The following MAGI2 variants were observed in gnomAD, a reference collection of about 807,000 sequenced individuals.
MAGI2 encodes the protein membrane associated guanylate kinase, WW and PDZ domain containing 2.
A neutral mutation model predicts 133.3 loss-of-function variants in MAGI2; 35 were observed. That is an observed-to-expected ratio of 0.26 (90% CI 0.20 to 0.35). The LOEUF (loss-of-function observed/expected upper bound fraction) is 0.35. Among genes scored for constraint, MAGI2 ranks in the 10% least tolerant of loss-of-function variants. The probability of loss-of-function intolerance (pLI) is 1.00; values close to 1 mark genes in which losing one functional copy is unlikely to be tolerated. For synonymous variants in MAGI2, 729 were observed against 710.6 expected (o/e 1.03, Z -0.41); for missense variants, 1,636 against 1,863.4 (o/e 0.88, Z 2.25).
intron 9 of MAGI2, among the ~76,000 whole-genome samples, chr7:78,261,763 G>A (rs1011622117): frequency 8.6e-5 from 13 of 151,936 alleles, no homozygotes; most frequent in African/African-American, 1.5e-4. Flanking sequence ...GTTTCCTCTC[G>A]GTTAATAAGA....
At chr7:78,534,294 TTTCTCCCTCAA>T (rs1247652692) in intron 3 of MAGI2, among the ~76,000 whole-genome samples, 1 of 152,244 alleles carries the variant, frequency 6.6e-6, no homozygotes, top group Non-Finnish European at 1.5e-5. Flanking sequence ...ATACCCAGCC[TTTCTCCCTCAA>T]TCTGGGCCAA....
chr7:78,652,828 A>G (rs1584972431), intron 2 of MAGI2, among the ~76,000 whole-genome samples: 1 of 152,192 alleles, frequency 6.6e-6, no homozygotes, highest in South Asian at 2.1e-4. Context: ...AGAAGAAACT[A>G]TCATCAGAGT....
At chr7:79,217,267 C>T (rs1377428267) in intron 1 of MAGI2, among the ~76,000 whole-genome samples, 1 of 151,318 alleles carries the variant, frequency 6.6e-6, no homozygotes, top group Non-Finnish European at 1.5e-5. Flanking sequence ...ATAATAGCAA[C>T]CTCAGTGAAT....
At chr7:79,249,962 C>T (rs912208748) in intron 1 of MAGI2, among the ~76,000 whole-genome samples, 1 of 152,024 alleles carries the variant, frequency 6.6e-6, no homozygotes, top group African/African-American at 2.4e-5. Context: ...CGTGACCAAA[C>T]AGATTTATCC....
intron 1 of MAGI2, among the ~76,000 whole-genome samples, chr7:79,310,106 A>G (rs1200814982): frequency 1.6e-4 from 23 of 144,122 alleles, no homozygotes; most frequent in Admixed American, 1.5e-3. Flanking sequence ...GGAGGTTGCA[A>G]CAAGCCGAGA....
chr7:78,845,281 A>G (rs1376933791), intron 2 of MAGI2, among the ~76,000 whole-genome samples: 2 of 151,954 alleles, frequency 1.3e-5, no homozygotes, highest in Non-Finnish European at 2.9e-5. Context: ...CTATTACTTT[A>G]TCATCTGCTA....
chr7:78,070,164 C>T (rs2868837), intron 21 of MAGI2, among the ~76,000 whole-genome samples: 64,835 of 107,168 alleles, frequency 0.6, 17,919 homozygotes, highest in East Asian at 0.76. Context: ...CATATATATA[C>T]ACACACACAC....
intron 10 of MAGI2, chr7:78,253,922 A>T (rs139859067): frequency 6.6e-6 from 1 of 152,216 alleles, no homozygotes; most frequent in Non-Finnish European, 1.5e-5. Context: ...GAATTTCACC[A>T]CATAAGCATG....
intron 1 of MAGI2, among the ~76,000 whole-genome samples, chr7:79,087,567 CAT>C (rs1236521423): frequency 2.6e-5 from 4 of 151,850 alleles, no homozygotes; most frequent in East Asian, 1.9e-4. Flanking sequence ...AATAGATACT[CAT>C]GTGTTATATG....
At chr7:78,069,696 G>A (rs1018799854) in intron 21 of MAGI2, among the ~76,000 whole-genome samples, 1 of 151,954 alleles carries the variant, frequency 6.6e-6, no homozygotes, top group African/African-American at 2.4e-5. Flanking sequence ...CACAATCCCC[G>A]GTTGTGTAAG....
At chr7:78,909,930 A>G (rs1798280714) in intron 2 of MAGI2, among the ~76,000 whole-genome samples, 1 of 152,224 alleles carries the variant, frequency 6.6e-6, no homozygotes, top group African/African-American at 2.4e-5. Context: ...TGTGGTACAT[A>G]GAGACCATGG....
At chr7:78,028,334 T>C (rs1204181541) in intron 21 of MAGI2, among the ~76,000 whole-genome samples, 1 of 152,212 alleles carries the variant, frequency 6.6e-6, no homozygotes, top group African/African-American at 2.4e-5. Flanking sequence ...TATTTGCTTA[T>C]TGAAGCTTCA....
intron 2 of MAGI2, among the ~76,000 whole-genome samples, chr7:78,667,719 C>G (rs927964627): frequency 1.3e-5 from 2 of 151,980 alleles, no homozygotes; most frequent in Non-Finnish European, 2.9e-5. Flanking sequence ...AGGACATGAA[C>G]TCATCATTTT....
intron 3 of MAGI2, among the ~76,000 whole-genome samples, chr7:78,603,481 C>G (rs1405961267): frequency 1.3e-5 from 2 of 152,162 alleles, no homozygotes; most frequent in Admixed American, 6.5e-5. Flanking sequence ...TTAAAACATT[C>G]AAGATTTGAA....
At chr7:79,202,141 A>T (rs550527558) in intron 1 of MAGI2, among the ~76,000 whole-genome samples, 19 of 152,148 alleles carry the variant, frequency 1.2e-4, no homozygotes, top group African/African-American at 4.6e-4. Flanking sequence ...GATAATGCTA[A>T]GTGTAACGCT....
At chr7:79,324,892 CAA>C (rs1439662353) in intron 1 of MAGI2, among the ~76,000 whole-genome samples, 2 of 150,784 alleles carry the variant, frequency 1.3e-5, no homozygotes, top group Non-Finnish European at 3.0e-5. Flanking sequence ...AAGAAACAAA[CAA>C]AAGAAATTCC....
At chr7:78,107,268 A>G in intron 20 of MAGI2, among the ~76,000 whole-genome samples, 1 of 152,142 alleles carries the variant, frequency 6.6e-6, no homozygotes, top group Non-Finnish European at 1.5e-5. Context: ...TCTGTAGTAT[A>G]ATTTGAATAA....
chr7:78,590,160 A>G (rs563585396), intron 3 of MAGI2, among the ~76,000 whole-genome samples: 1 of 152,200 alleles, frequency 6.6e-6, no homozygotes, highest in African/African-American at 2.4e-5. Context: ...GTGTTCCTAA[A>G]TTTATTACCT....
chr7:79,131,241 G>T (rs1027215317), intron 1 of MAGI2, among the ~76,000 whole-genome samples: 1 of 152,092 alleles, frequency 6.6e-6, no homozygotes, highest in African/African-American at 2.4e-5. Context: ...CCAATTCATC[G>T]GTTCTGGGCT....
Sources: gnomAD v4.1 joint callset for allele counts (sites outside exome capture counted in the v4.1 genomes callset) on GRCh38, gnomAD v4.1.1 for gene constraint, MANE v1.5 for transcripts, NCBI Gene and HGNC (gene_info 2026-07-23, HGNC 2026-07-21) for gene names.